Variants in STXBP5 observed in about 807,000 individuals in gnomAD.
STXBP5 encodes syntaxin-binding protein 5.
A neutral mutation model predicts 152.4 loss-of-function variants in STXBP5; 50 were observed. The observed-to-expected ratio is 0.33, with a 90% CI of 0.26 to 0.42. STXBP5 has a LOEUF of 0.42. Among genes scored for constraint, STXBP5 ranks in the 10% least tolerant of loss-of-function variants. The pLI is 1.00. For synonymous variants in STXBP5, 492 were observed against 494.7 expected (o/e 0.99, Z 0.07); for missense variants, 1,167 against 1,388.6 (o/e 0.84, Z 2.54).
At chr6:147,268,881 A>C (rs745681796) in intron 7 of STXBP5, among the ~76,000 whole-genome samples, 5 of 152,160 alleles carry the variant, frequency 3.3e-5, no homozygotes, top group Non-Finnish European at 4.4e-5. Flanking sequence ...TAAACCCCTC[A>C]ATTGCTTTAG....
chr6:147,214,866 A>G (rs1402612054), intron 2 of STXBP5, among the ~76,000 whole-genome samples: 1 of 152,184 alleles, frequency 6.6e-6, no homozygotes, highest in Non-Finnish European at 1.5e-5. Context: ...GGAAATTAAG[A>G]CAGTAGGAGT....
intron 26 of STXBP5, among the ~76,000 whole-genome samples, chr6:147,374,890 C>T (rs922507634): frequency 1.3e-5 from 2 of 152,126 alleles, no homozygotes; most frequent in African/African-American, 4.8e-5. Context: ...TGGGAATAAA[C>T]TACCCACCTC....
intron 9 of STXBP5, among the ~76,000 whole-genome samples, chr6:147,308,593 G>T (rs1026697834): frequency 1.4e-4 from 21 of 151,964 alleles, no homozygotes; most frequent in African/African-American, 4.1e-4. Context: ...GAGAAAAACA[G>T]TAAGCAAAAT....
At chr6:147,261,366 A>C (rs946224392) in intron 5 of STXBP5, among the ~76,000 whole-genome samples, 17 of 151,960 alleles carry the variant, frequency 1.1e-4, no homozygotes, top group African/African-American at 2.7e-4. Context: ...TCTGTCTTAA[A>C]TTTTTTGTAT....
intron 4 of STXBP5, among the ~76,000 whole-genome samples, chr6:147,248,003 G>A (rs970261956): frequency 1.5e-5 from 2 of 132,296 alleles, no homozygotes; most frequent in Non-Finnish European, 3.3e-5. Context: ...AGCTGGGTGC[G>A]GTGGGGTGGC....
At chr6:147,221,803 G>A (rs1777475932) in intron 2 of STXBP5, among the ~76,000 whole-genome samples, 5 of 150,186 alleles carry the variant, frequency 3.3e-5, no homozygotes, top group Admixed American at 2.7e-4. Context: ...ATTTGTGGTT[G>A]GTATCCGACA....
At chr6:147,262,250 T>C in intron 5 of STXBP5, 40 bp from the exon 6 acceptor site, 2 of 1,281,682 alleles carry the variant, frequency 1.6e-6, no homozygotes, top group Non-Finnish European at 2.2e-6. Context: ...ATTAAAATTC[T>C]TAACTGAAGA....
chr6:147,283,128 A>T (rs1780779421), intron 8 of STXBP5, among the ~76,000 whole-genome samples: 1 of 152,208 alleles, frequency 6.6e-6, no homozygotes, highest in Admixed American at 6.5e-5. Flanking sequence ...TATTATAGGA[A>T]ATGATATTTT....
chr6:147,298,105 T>A (rs572056979), intron 9 of STXBP5, among the ~76,000 whole-genome samples: 2 of 152,188 alleles, frequency 1.3e-5, no homozygotes, highest in African/African-American at 4.8e-5. Flanking sequence ...TACTATAGGC[T>A]CACGTCACTT....
chr6:147,338,877 A>G (rs1429083101), intron 19 of STXBP5, among the ~76,000 whole-genome samples: 3 of 151,480 alleles, frequency 2.0e-5, no homozygotes, highest in East Asian at 3.9e-4. Flanking sequence ...ACAGTTAAAC[A>G]CTATTTATAG....
intron 2 of STXBP5, 78 bp downstream of exon 2, chr6:147,206,146 G>C (rs1041298174): frequency 7.7e-7 from 1 of 1,295,056 alleles, no homozygotes; most frequent in Non-Finnish European, 1.1e-6. Context: ...TAGTTCCAAA[G>C]AAAGTTTTTA....
chr6:147,264,076 TTATATA>T (rs907656190), intron 6 of STXBP5, among the ~76,000 whole-genome samples: 1 of 150,496 alleles, frequency 6.6e-6, no homozygotes, highest in Admixed American at 6.7e-5. Flanking sequence ...AGTAAATAAG[TTATATA>T]TATATATAAA....
chr6:147,305,492 C>T (rs1782043630), intron 9 of STXBP5, among the ~76,000 whole-genome samples: 1 of 152,032 alleles, frequency 6.6e-6, no homozygotes, highest in African/African-American at 2.4e-5. Flanking sequence ...TTTCGAGTGT[C>T]CACAAGTTTG....
chr6:147,241,220 G>T (rs907158722), intron 4 of STXBP5, among the ~76,000 whole-genome samples: 1 of 152,092 alleles, frequency 6.6e-6, no homozygotes, highest in African/African-American at 2.4e-5. Flanking sequence ...CCCCATTCAT[G>T]GTGTTCTCTG....
chr6:147,290,634 A>G (rs749884143), intron 8 of STXBP5, among the ~76,000 whole-genome samples: 4 of 152,194 alleles, frequency 2.6e-5, no homozygotes, highest in Non-Finnish European at 4.4e-5. Context: ...TGGGTATTAC[A>G]GTGGATGTAT....
chr6:147,368,590 T>TA (rs1785402766), intron 25 of STXBP5, among the ~76,000 whole-genome samples: 1 of 152,146 alleles, frequency 6.6e-6, no homozygotes. Context: ...TCTCACCACT[T>TA]ACATTCAGTG....
At chr6:147,342,137 T>G (rs1197716710) in intron 21 of STXBP5, among the ~76,000 whole-genome samples, 1 of 152,012 alleles carries the variant, frequency 6.6e-6, no homozygotes, top group Non-Finnish European at 1.5e-5. Context: ...CCAGATAATT[T>G]GGTTATGGCC....
At chr6:147,291,618 A>ACTGT in intron 9 of STXBP5, among the ~76,000 whole-genome samples, 1 of 152,114 alleles carries the variant, frequency 6.6e-6, no homozygotes, top group Non-Finnish European at 1.5e-5. Context: ...TTTAATATTA[A>ACTGT]AGGGAGTTTG....
chr6:147,313,799 T>G, intron 11 of STXBP5, 85 bp from the exon 12 acceptor site: 1 of 871,274 alleles, frequency 1.1e-6, no homozygotes, highest in Non-Finnish European at 1.6e-6. Context: ...ATAGAATGTA[T>G]GTTTTTTAAA....
Sources: allele counts gnomAD v4.1 joint callset (sites outside exome capture counted in the v4.1 genomes callset), GRCh38; gene constraint gnomAD v4.1.1; transcripts MANE v1.5; gene names NCBI Gene and HGNC (gene_info 2026-07-23, HGNC 2026-07-21).